The following PIGN variants were observed in gnomAD, a reference collection of about 807,000 sequenced individuals.
PIGN encodes phosphatidylinositol glycan anchor biosynthesis class N, also known as GPI ethanolamine phosphate transferase 1.
A neutral mutation model predicts 125.4 loss-of-function variants in PIGN; 117 were observed. That is an observed-to-expected ratio of 0.93 (90% CI 0.80 to 1.09). The LOEUF (loss-of-function observed/expected upper bound fraction) is 1.09. Ranked by LOEUF, PIGN falls within the 50% of genes least tolerant of loss-of-function variation. The pLI, the probability that PIGN is intolerant of heterozygous loss-of-function variation, is 0.00. For synonymous variants in PIGN, 392 were observed against 377.8 expected, an observed-to-expected ratio of 1.04 and a Z score of -0.44; for missense variants, 1,075 against 1,094.9, an observed-to-expected ratio of 0.98 and a Z score of 0.26.
At chr18:62,070,785 CTTTATTTTTAATTAACTAATTAATTAAT>C (rs150611368) in intron 30 of PIGN, among the ~76,000 whole-genome samples, 2,042 of 152,100 alleles carry the variant, frequency 0.013, 50 homozygotes, top group African/African-American at 0.047. Context: ...TCAGATTATA[CTTTATTTTTAATTAACTAATTAATTAAT>C]TTTTTTTTGA....
At chr18:62,079,688 G>A (rs1383362739) in intron 28 of PIGN, among the ~76,000 whole-genome samples, 4 of 150,572 alleles carry the variant, frequency 2.7e-5, no homozygotes, top group Non-Finnish European at 5.9e-5. Flanking sequence ...CTAGGTGAAT[G>A]AGACCTGGTA....
At chr18:62,060,886 T>C (rs904338384) in intron 30 of PIGN, among the ~76,000 whole-genome samples, 9 of 152,234 alleles carry the variant, frequency 5.9e-5, no homozygotes, top group African/African-American at 2.2e-4. Context: ...TAAAAGGCAA[T>C]ACTCTATAAA....
At chr18:62,062,108 T>C (rs1047194004) in intron 30 of PIGN, among the ~76,000 whole-genome samples, 1 of 152,182 alleles carries the variant, frequency 6.6e-6, no homozygotes, top group Non-Finnish European at 1.5e-5. Context: ...AAACATCACA[T>C]TGCAGCATCA....
In PIGN at chr18:62,044,930, GC is replaced by G. The variant is rs2030554251; in HGVS notation, c.*925del. On this transcript the variant is annotated 3_prime_UTR_variant, in exon 31 of 31. Transcript: ENST00000640252. Reference sequence around the variant, plus strand: ...TGGAAATCTAATTTGATGATTTTAGGCCTTTGTGCTAGAATCTCACAACCAG... The same window carrying G: ...TGGAAATCTAATTTGATGATTTTAGGCTTTGTGCTAGAATCTCACAACCAG... 1 of 152,024 alleles carries G rather than the reference GC, an allele frequency of 6.6e-6. No homozygotes were observed. The highest frequency in any genetic ancestry group is 2.4e-5 in the African/African-American group (1 of 41,402). The allele number at this position is 152,024 out of a possible 1,614,324, so 9.4% of individuals were successfully genotyped here.
intron 1 of PIGN, among the ~76,000 whole-genome samples, chr18:62,169,868 C>T (rs1450717144): frequency 6.6e-6 from 1 of 152,172 alleles, no homozygotes; most frequent in East Asian, 1.9e-4. Context: ...AGTGATTCTC[C>T]TGCCTTGGCC....
intron 10 of PIGN, among the ~76,000 whole-genome samples, chr18:62,145,209 T>C (rs1212987923): frequency 6.6e-6 from 1 of 152,172 alleles, no homozygotes; most frequent in Non-Finnish European, 1.5e-5. Context: ...GTCCACTAGC[T>C]TCTTTTTCTT....
chr18:62,068,034 G>A (rs1378368372), intron 30 of PIGN, among the ~76,000 whole-genome samples: 1 of 152,204 alleles, frequency 6.6e-6, no homozygotes, highest in Non-Finnish European at 1.5e-5. Context: ...ACACATGCTA[G>A]AATGGAGAAC....
intron 30 of PIGN, among the ~76,000 whole-genome samples, chr18:62,065,818 G>A (rs572238418): frequency 3.9e-5 from 6 of 152,194 alleles, no homozygotes; most frequent in Non-Finnish European, 5.9e-5. Context: ...GAAAGACTAA[G>A]TATGTTAGTA....
intron 14 of PIGN, among the ~76,000 whole-genome samples, chr18:62,132,327 T>C (rs1270440439): frequency 1.3e-5 from 2 of 152,214 alleles, no homozygotes; most frequent in Non-Finnish European, 2.9e-5. Context: ...AGACTTGTAA[T>C]GCAGAGCTAA....
At chr18:62,020,548 C>T (rs555229520) in intron 23 of PIGN, among the ~76,000 whole-genome samples, 2 of 151,464 alleles carry the variant, frequency 1.3e-5, no homozygotes, top group South Asian at 4.2e-4. Context: ...ATAGACTCTT[C>T]ACCAAAGAAC....
intron 23 of PIGN, among the ~76,000 whole-genome samples, chr18:62,026,243 G>A (rs1398045917): frequency 1.3e-5 from 2 of 152,180 alleles, no homozygotes; most frequent in African/African-American, 4.8e-5. Context: ...CTAGCTTCTT[G>A]AAATGTGAAT....
intron 15 of PIGN, 54 bp downstream of exon 15, chr18:62,114,507 T>C: frequency 8.9e-7 from 1 of 1,121,366 alleles, no homozygotes; most frequent in East Asian, 2.6e-5. Flanking sequence ...TTTTCTCCTC[T>C]CCATCCCCAA....
intron 30 of PIGN, among the ~76,000 whole-genome samples, chr18:62,050,208 TTAAAG>T (rs2031154619): frequency 6.6e-6 from 1 of 152,200 alleles, no homozygotes; most frequent in African/African-American, 2.4e-5. Context: ...CATATGAACT[TTAAAG>T]TAGTTTTTTC....
At chr18:62,069,316 T>C (rs532745468) in intron 30 of PIGN, 1 of 152,342 alleles carries the variant, frequency 6.6e-6, no homozygotes, top group East Asian at 1.9e-4. Flanking sequence ...GAAAACTGCA[T>C]CTTCTTCATT....
At chr18:62,093,815 G>A (rs1327675367) in intron 23 of PIGN, among the ~76,000 whole-genome samples, 1 of 152,054 alleles carries the variant, frequency 6.6e-6, no homozygotes. Context: ...CCAAAATGGT[G>A]AGGCTGAATC....
intron 14 of PIGN, among the ~76,000 whole-genome samples, chr18:62,126,709 T>C (rs535577565): frequency 6.6e-6 from 1 of 152,240 alleles, no homozygotes; most frequent in African/African-American, 2.4e-5. Flanking sequence ...TACTAGGGTA[T>C]GGATAATTTC....
intron 1 of PIGN, among the ~76,000 whole-genome samples, chr18:62,181,920 T>C (rs1227950813): frequency 6.6e-6 from 1 of 151,572 alleles, no homozygotes; most frequent in Non-Finnish European, 1.5e-5. Context: ...GAGACAGGGT[T>C]TCACCATGTT....
At chr18:62,069,608 G>A (rs1263077508) in intron 30 of PIGN, 1 of 152,182 alleles carries the variant, frequency 6.6e-6, no homozygotes, top group African/African-American at 2.4e-5. Context: ...GACAAATACT[G>A]TATGATTTCA....
chr18:62,127,938 T>C (rs953330296), intron 14 of PIGN, among the ~76,000 whole-genome samples: 1 of 152,116 alleles, frequency 6.6e-6, no homozygotes, highest in South Asian at 2.1e-4. Context: ...TAAAAATACA[T>C]GGTGCTATTT....
Sources: gnomAD v4.1 joint callset for allele counts (sites outside exome capture counted in the v4.1 genomes callset) on GRCh38, gnomAD v4.1.1 for gene constraint, MANE v1.5 for transcripts, NCBI Gene and HGNC (gene_info 2026-07-23, HGNC 2026-07-21) for gene names.